Variants in GPSM2 observed in about 807,000 individuals in gnomAD.
The protein encoded by GPSM2 is G protein-signaling modulator 2.
In GPSM2, 58 loss-of-function variants were observed where a neutral mutation model predicts 78.4. That is an observed-to-expected ratio of 0.74 (90% CI 0.60 to 0.92). The LOEUF is 0.92. GPSM2 is among the 40% of genes least tolerant of loss of function. GPSM2 has a pLI of 0.00. For synonymous variants in GPSM2, 224 were observed against 280.2 expected, an observed-to-expected ratio of 0.80 and a Z score of 2.00; for missense variants, 700 against 815.5, an observed-to-expected ratio of 0.86 and a Z score of 1.73.
chr1:108,882,583 C>T (rs1647214000), intron 1 of GPSM2: 1 of 152,104 alleles, frequency 6.6e-6, no homozygotes, highest in Non-Finnish European at 1.5e-5. Flanking sequence ...TATGCAGAAC[C>T]CACAGATCTG....
intron 7 of GPSM2, among the ~76,000 whole-genome samples, chr1:108,900,500 A>G (rs956336416): frequency 1.3e-5 from 2 of 152,122 alleles, no homozygotes; most frequent in East Asian, 3.8e-4. Context: ...CAGCCTCCCA[A>G]AGTGCTGGGA....
At chr1:108,896,293 T>G (rs1293511434) in intron 2 of GPSM2, among the ~76,000 whole-genome samples, 1 of 152,148 alleles carries the variant, frequency 6.6e-6, no homozygotes, top group Non-Finnish European at 1.5e-5. Flanking sequence ...AGATCAAGAA[T>G]ATTTTGTTCC....
chr1:108,916,492 T>C (rs750638210), intron 11 of GPSM2, among the ~76,000 whole-genome samples: 1 of 152,246 alleles, frequency 6.6e-6, no homozygotes, highest in Non-Finnish European at 1.5e-5. Context: ...TTTTCCCAAA[T>C]GTCCAGCTCT....
In GPSM2 at chr1:108,930,059, T is replaced by C; in HGVS notation, c.*119T>C. ...AGCTTAAAATATTTTTAGAATGATGTAAATAGTTAACCTTCAGTAGTCTAT... is the reference window on the plus strand; with the variant it reads ...AGCTTAAAATATTTTTAGAATGATGCAAATAGTTAACCTTCAGTAGTCTAT... On this transcript the variant is annotated 3_prime_UTR_variant, in exon 15 of 15. Coordinates refer to ENST00000264126, the MANE Select transcript of GPSM2 (RefSeq NM_013296.5). The C allele has an allele frequency of 1.1e-6, 1 of 942,042 alleles. No individual in the cohort carries two copies. Among genetic ancestry groups the C allele is most frequent in the Non-Finnish European group, 1.6e-6 (1 of 619,668 alleles). The allele number at this position is 942,042 out of a possible 1,614,324, so 58.4% of individuals were successfully genotyped here.
intron 12 of GPSM2, among the ~76,000 whole-genome samples, chr1:108,921,087 C>T (rs1223153717): frequency 5.9e-5 from 9 of 152,134 alleles, no homozygotes; most frequent in Non-Finnish European, 1.5e-5. Flanking sequence ...GCAAGATACC[C>T]TCTTTCACTA....
rs1652472963 is a variant in GPSM2 at position 108,934,118 on chromosome 1, G to A, written c.*4178G>A. ...ACAAAGTAAAAGGAACAATAAGGAT[G>A]CAGGCGTAGTAATAGCTGTGGAAAA... On this transcript the variant is annotated 3_prime_UTR_variant, in exon 15 of 15. Transcript: ENST00000264126. The A allele has an allele frequency of 6.6e-6, 1 of 152,544 alleles. No individual in the cohort carries two copies. The highest frequency in any genetic ancestry group is 2.4e-5 in the African/African-American group (1 of 41,470). The allele number at this position is 152,544 out of a possible 1,614,324, so 9.4% of individuals were successfully genotyped here.
intron 1 of GPSM2, among the ~76,000 whole-genome samples, chr1:108,883,314 T>C (rs1224777379): frequency 6.6e-6 from 1 of 152,194 alleles, no homozygotes; most frequent in East Asian, 1.9e-4. Flanking sequence ...GAGTATTCAT[T>C]AGTCTGGTTT....
chr1:108,924,350 A>G, intron 14 of GPSM2, 136 bp downstream of exon 14: 1 of 720,678 alleles, frequency 1.4e-6, no homozygotes, highest in Non-Finnish European at 2.5e-6. Context: ...GTAAAAAATT[A>G]TTGAACACCG....
At position 108,903,127 on chromosome 1, in the gene GPSM2, A is replaced by G. The variant is rs901771182; in HGVS notation, c.955A>G (p.Ile319Val). Residue 319 changes from isoleucine (I) to valine (V), a missense_variant and splice_region_variant, in exon 9 of 15, where the codon ATT becomes GTT. Ile to Val is a conservative substitution (Grantham distance 29). Coordinates refer to ENST00000264126, the MANE Select transcript of GPSM2 (RefSeq NM_013296.5). ...LAIAQELNDR[I>V]GEGRACWSLG... Reference sequence around the variant, plus strand: ...TGTTCGCTTTGAATAACGTTTTAGAATTGGTGAAGGAAGAGCATGTTGGAG... The same window carrying G: ...TGTTCGCTTTGAATAACGTTTTAGAGTTGGTGAAGGAAGAGCATGTTGGAG... 6.4e-7 allele frequency: 1 copy of G among 1,574,392 alleles called. No homozygotes were observed. Among genetic ancestry groups the G allele is most frequent in the Non-Finnish European group, 8.7e-7 (1 of 1,144,060 alleles).
intron 2 of GPSM2, among the ~76,000 whole-genome samples, chr1:108,885,955 T>C (rs1016120456): frequency 2.6e-5 from 4 of 152,164 alleles, no homozygotes; most frequent in African/African-American, 9.6e-5. Context: ...TGTGATCTTT[T>C]AGACATGAAC....
At chr1:108,898,341 C>T (rs2101407959) in intron 5 of GPSM2, among the ~76,000 whole-genome samples, 1 of 152,280 alleles carries the variant, frequency 6.6e-6, no homozygotes, top group African/African-American at 2.4e-5. Flanking sequence ...AATGGTTGGT[C>T]TGTTATTTAG....
chr1:108,904,969 A>C (rs1649108833), intron 10 of GPSM2, among the ~76,000 whole-genome samples: 1 of 150,892 alleles, frequency 6.6e-6, no homozygotes, highest in African/African-American at 2.4e-5. Flanking sequence ...AGCTTGAGAA[A>C]TTCTCAGTCT....
chr1:108,897,993 A>T lies in GPSM2; in HGVS notation c.449A>T (p.Asn150Ile). The T allele has an allele frequency of 1.2e-6, 2 of 1,613,952 alleles. No homozygotes were observed. Among genetic ancestry groups the T allele is most frequent in the Non-Finnish European group, 1.7e-6 (2 of 1,179,818 alleles). ...GEARALYNLG[N>I]VYHAKGKSFG... The stretch of plus-strand genomic sequence containing the variant: ...GCAAGAGCACTTTACAATCTTGGGA[A>T]TGTGTATCATGCCAAAGGGAAAAGT... The change falls in exon 5 of 15, where the codon AAT becomes ATT. Residue 150 changes from asparagine to isoleucine, a missense_variant. Coordinates refer to ENST00000264126, the MANE Select transcript of GPSM2 (RefSeq NM_013296.5).
chr1:108,887,461 C>G (rs1647652503), intron 2 of GPSM2, among the ~76,000 whole-genome samples: 1 of 152,200 alleles, frequency 6.6e-6, no homozygotes, highest in Admixed American at 6.5e-5. Context: ...GCGATGTCCC[C>G]ATCTCCTGGC....
At chr1:108,886,233 A>G (rs963259027) in intron 2 of GPSM2, among the ~76,000 whole-genome samples, 2 of 152,286 alleles carry the variant, frequency 1.3e-5, no homozygotes, top group Admixed American at 6.5e-5. Context: ...TTTCACAACC[A>G]TTATTACTGT....
chr1:108,879,652 G>T (rs1236231846), intron 1 of GPSM2, among the ~76,000 whole-genome samples: 1 of 152,144 alleles, frequency 6.6e-6, no homozygotes, highest in African/African-American at 2.4e-5. Context: ...GACCAACGTG[G>T]TGAAACCCCG....
chr1:108,924,225 A>G lies in GPSM2; in HGVS notation c.1815+11A>G, dbSNP rs748778078. 11 of 1,578,548 alleles carry G rather than the reference A, an allele frequency of 7.0e-6. No homozygotes were observed. The highest frequency in any genetic ancestry group is 9.6e-6 in the Non-Finnish European group (11 of 1,147,704). On this transcript the variant is annotated intron_variant, in intron 14 of 14. Transcript: ENST00000264126. ...CTTGTAAAATGTCAAGTATGTCTGTATATTTTTTTCGTTCTGCATACAGCT... is the reference window on the plus strand; with the variant it reads ...CTTGTAAAATGTCAAGTATGTCTGTGTATTTTTTTCGTTCTGCATACAGCT...
At chr1:108,922,670 T>A in intron 13 of GPSM2, 94 bp downstream of exon 13, 3 of 1,055,100 alleles carry the variant, frequency 2.8e-6, no homozygotes, top group South Asian at 2.5e-5. Flanking sequence ...ATAAGAGATA[T>A]AATAAATGAG....
chr1:108,929,579 T>C, intron 14 of GPSM2, 122 bp from the exon 15 acceptor site: 1 of 826,556 alleles, frequency 1.2e-6, no homozygotes, highest in South Asian at 1.5e-5. Flanking sequence ...CAAAGATTAA[T>C]TTCTGAGAAG....
Sources: allele counts gnomAD v4.1 joint callset (sites outside exome capture counted in the v4.1 genomes callset), GRCh38; gene constraint gnomAD v4.1.1; transcripts MANE v1.5; gene names NCBI Gene and HGNC (gene_info 2026-07-23, HGNC 2026-07-21).